The following STXBP4 variants were observed in gnomAD, a reference collection of about 807,000 sequenced individuals.
STXBP4 encodes syntaxin binding protein 4, also known as syntaxin-binding protein 4.
In STXBP4, 55 loss-of-function variants were observed where a neutral mutation model predicts 76.1. That is an observed-to-expected ratio of 0.72 (90% CI 0.58 to 0.91). STXBP4 has a LOEUF of 0.91. Among genes scored for constraint, STXBP4 ranks in the 40% least tolerant of loss-of-function variants. The pLI, the probability that STXBP4 is intolerant of heterozygous loss-of-function variation, is 0.00. For missense variants in STXBP4, 618 were observed against 636.9 expected, an observed-to-expected ratio of 0.97 and a Z score of 0.32; for synonymous variants, 201 against 220.2, an observed-to-expected ratio of 0.91 and a Z score of 0.77.
intron 16 of STXBP4, among the ~76,000 whole-genome samples, chr17:55,130,316 AAT>A: frequency 6.6e-6 from 1 of 152,328 alleles, no homozygotes; most frequent in South Asian, 2.1e-4. Flanking sequence ...AATTTGTGGT[AAT>A]ATGTTATGCA....
chr17:54,977,239 G>A (rs1301585049), intron 1 of STXBP4, among the ~76,000 whole-genome samples: 1 of 152,010 alleles, frequency 6.6e-6, no homozygotes, highest in Non-Finnish European at 1.5e-5. Flanking sequence ...TTGCCTTTGG[G>A]TACAGAATAA....
intron 12 of STXBP4, among the ~76,000 whole-genome samples, chr17:55,059,242 A>C (rs1414337002): frequency 6.6e-6 from 1 of 152,144 alleles, no homozygotes; most frequent in African/African-American, 2.4e-5. Flanking sequence ...GATTGCATAA[A>C]ATATTCAGAT....
chr17:54,985,192 G>A (rs9303362), intron 1 of STXBP4, among the ~76,000 whole-genome samples: 97,994 of 151,992 alleles, frequency 0.64, 32,606 homozygotes, highest in African/African-American at 0.81. Context: ...TGAAATCATC[G>A]CCACAATCAA....
At chr17:55,083,222 C>T (rs2079279339) in intron 16 of STXBP4, among the ~76,000 whole-genome samples, 1 of 152,060 alleles carries the variant, frequency 6.6e-6, no homozygotes, top group East Asian at 1.9e-4. Context: ...GCAATCCACC[C>T]ACCTCAGCCT....
the STXBP4 span, among the ~76,000 whole-genome samples, chr17:55,190,594 G>A: frequency 6.6e-6 from 1 of 152,150 alleles, no homozygotes; most frequent in Non-Finnish European, 1.5e-5. Flanking sequence ...TAATTGCATA[G>A]ATGCCAAATA....
intron 17 of STXBP4, among the ~76,000 whole-genome samples, chr17:55,156,045 C>A (rs1192975547): frequency 6.6e-6 from 1 of 152,174 alleles, no homozygotes; most frequent in East Asian, 1.9e-4. Flanking sequence ...TCAAATATAT[C>A]TGAAGTGCTG....
intron 12 of STXBP4, among the ~76,000 whole-genome samples, chr17:55,052,549 C>A (rs972721221): frequency 6.6e-6 from 1 of 151,986 alleles, no homozygotes; most frequent in Non-Finnish European, 1.5e-5. Flanking sequence ...TGATCAGGCA[C>A]AAATCATTCA....
rs929981502 is a variant in STXBP4, at chr17:55,018,272, C to T, written c.666+10675C>T. ...GGCAAGCCTTTAGCCCGATCAGGAA[C>T]GGCAATGGGCAACTTGCTGGATCAG... On this transcript the variant is annotated intron_variant, in intron 8 of 17. Transcript: ENST00000376352. 3.9e-5 allele frequency among the ~76,000 whole-genome samples: 6 copies of T among 152,172 alleles called. No homozygotes were observed. In the East Asian group the frequency reaches 5.8e-4, roughly 15 times the overall value.
At chr17:55,106,736 A>G (rs1232241058) in intron 16 of STXBP4, among the ~76,000 whole-genome samples, 1 of 152,144 alleles carries the variant, frequency 6.6e-6, no homozygotes, top group Non-Finnish European at 1.5e-5. Flanking sequence ...GTTTGGCTGG[A>G]TATGAAATTC....
intron 16 of STXBP4, among the ~76,000 whole-genome samples, chr17:55,098,142 T>G (rs1238906967): frequency 6.6e-6 from 1 of 152,184 alleles, no homozygotes; most frequent in Non-Finnish European, 1.5e-5. Context: ...AATGAACAAT[T>G]TCTACTAATG....
intron 16 of STXBP4, among the ~76,000 whole-genome samples, chr17:55,089,938 A>G (rs2079388835): frequency 2.0e-5 from 3 of 152,196 alleles, no homozygotes; most frequent in Admixed American, 6.5e-5. Flanking sequence ...CAAAAGCACT[A>G]GCTGTTACAG....
At chr17:54,972,765 A>G (rs1472857938) in intron 1 of STXBP4, among the ~76,000 whole-genome samples, 1 of 152,204 alleles carries the variant, frequency 6.6e-6, no homozygotes, top group Admixed American at 6.5e-5. Flanking sequence ...GAGACCCTAG[A>G]AAATTTTTGT....
chr17:55,119,626 A>C (rs1243489255), intron 16 of STXBP4, among the ~76,000 whole-genome samples: 1 of 152,072 alleles, frequency 6.6e-6, no homozygotes, highest in Non-Finnish European at 1.5e-5. Context: ...AAAAGATTGG[A>C]AAATGAATAT....
intron 8 of STXBP4, among the ~76,000 whole-genome samples, chr17:55,018,818 G>A (rs113592246): frequency 0.2 from 30,796 of 152,086 alleles, 3,351 homozygotes; most frequent in Middle Eastern, 0.34. Context: ...TTAGGGTGGG[G>A]CAGAAACAAA....
chr17:55,084,122 C>T (rs563116958), intron 16 of STXBP4, among the ~76,000 whole-genome samples: 2 of 152,196 alleles, frequency 1.3e-5, no homozygotes, highest in East Asian at 1.9e-4. Flanking sequence ...TCCTATTTCT[C>T]CACATCCTCT....
chr17:55,186,887 A>G, the STXBP4 span, among the ~76,000 whole-genome samples: 1 of 152,188 alleles, frequency 6.6e-6, no homozygotes, highest in East Asian at 1.9e-4. Flanking sequence ...ACACATGACC[A>G]ACAAAAGAGA....
At chr17:55,108,442 T>C (rs181728) in intron 16 of STXBP4, among the ~76,000 whole-genome samples, 56,726 of 151,912 alleles carry the variant, frequency 0.37, 11,260 homozygotes, top group East Asian at 0.54. Context: ...GTGTTCCAGC[T>C]GCCATTGGGG....
intron 4 of STXBP4, among the ~76,000 whole-genome samples, chr17:54,998,953 A>G (rs1416396784): frequency 6.6e-6 from 1 of 152,170 alleles, no homozygotes; most frequent in African/African-American, 2.4e-5. Context: ...ATGCAGAGAA[A>G]ATAAAATAAA....
chr17:55,146,515 T>C (rs895995331), intron 17 of STXBP4, among the ~76,000 whole-genome samples: 29 of 151,862 alleles, frequency 1.9e-4, no homozygotes, highest in African/African-American at 6.8e-4. Flanking sequence ...ATTGAGACCA[T>C]CCTGGCTAAC....
Sources: gnomAD v4.1 joint callset for allele counts (sites outside exome capture counted in the v4.1 genomes callset) on GRCh38, gnomAD v4.1.1 for gene constraint, MANE v1.5 for transcripts, NCBI Gene and HGNC (gene_info 2026-07-23, HGNC 2026-07-21) for gene names.